The following KLHL6 variants were observed in gnomAD, a reference collection of about 807,000 sequenced individuals.
KLHL6 encodes kelch like family member 6.
A neutral mutation model predicts 58.6 loss-of-function variants in KLHL6; 41 were observed. The ratio of observed to expected loss-of-function variants is 0.70; its 90% CI spans 0.55 to 0.91. KLHL6 has a LOEUF of 0.91. Among genes scored for constraint, KLHL6 ranks in the 40% least tolerant of loss-of-function variants. The probability of loss-of-function intolerance (pLI) is 0.00; values close to 1 mark genes in which losing one functional copy is unlikely to be tolerated. For missense variants in KLHL6, 714 were observed against 805.6 expected (o/e 0.89, Z 1.38); for synonymous variants, 338 against 322.7 (o/e 1.05, Z -0.51).
intron 2 of KLHL6, chr3:183,521,557 A>T (rs1433008408): frequency 6.6e-6 from 1 of 152,256 alleles, no homozygotes; most frequent in Non-Finnish European, 1.5e-5. Flanking sequence ...ACTGGAGAAC[A>T]CACAGGCTAC....
chr3:183,504,456 C>G (rs1717948980), intron 3 of KLHL6, among the ~76,000 whole-genome samples: 1 of 152,144 alleles, frequency 6.6e-6, no homozygotes, highest in Non-Finnish European at 1.5e-5. Flanking sequence ...TCTCTCTCCT[C>G]CTAAATCTAA....
intron 3 of KLHL6, among the ~76,000 whole-genome samples, chr3:183,505,384 G>A (rs933120795): frequency 6.6e-6 from 1 of 152,206 alleles, no homozygotes; most frequent in African/African-American, 2.4e-5. Context: ...ATGGGATGCT[G>A]TTTAAGTAGT....
intron 1 of KLHL6, among the ~76,000 whole-genome samples, chr3:183,542,076 C>T (rs569206702): frequency 1.4e-4 from 21 of 152,212 alleles, no homozygotes; most frequent in East Asian, 1.4e-3. Flanking sequence ...CCTGCAGGCC[C>T]TCAGAGAGGA....
chr3:183,509,590 C>A (rs1718120576), intron 2 of KLHL6, among the ~76,000 whole-genome samples: 1 of 152,192 alleles, frequency 6.6e-6, no homozygotes, highest in Non-Finnish European at 1.5e-5. Context: ...ACTATGTGTT[C>A]TTCACGGGGC....
chr3:183,527,922 C>A lies in KLHL6; in HGVS notation c.382G>T (p.Asp128Tyr), dbSNP rs747600879. The change falls in exon 2 of 7, where the codon GAC (aspartate) becomes TAC (tyrosine). Residue 128 changes from aspartate (D) to tyrosine (Y), a missense_variant. Physicochemically the swap from Asp to Tyr is radical, Grantham distance 160. Coordinates refer to ENST00000341319, the MANE Select transcript of KLHL6 (RefSeq NM_130446.4). ...VDAETMHTLLDYTYTSKALIT... is the reference protein window; with the variant it reads ...VDAETMHTLLYYTYTSKALIT... ...AGCGCCTTGCTGGTGTACGTGTAGT[C>A]CAACAGAGTGTGCATGGTCTCAGCA... The A allele has an allele frequency of 6.2e-7, 1 of 1,614,032 alleles. No homozygotes were observed. The highest frequency in any genetic ancestry group is 1.7e-5 in the Admixed American group (1 of 60,010).
At chr3:183,498,906 G>A (rs1291988146) in intron 4 of KLHL6, among the ~76,000 whole-genome samples, 4 of 152,198 alleles carry the variant, frequency 2.6e-5, no homozygotes, top group Non-Finnish European at 4.4e-5. Context: ...AAGGGCAGAC[G>A]TGTTTACTCA....
At position 183,508,074 on chromosome 3, in the gene KLHL6, G is replaced by A. The variant is rs775321209; in HGVS notation, c.894C>T (p.His298=). The A allele has an allele frequency of 2.8e-5, 45 of 1,613,592 alleles. No homozygotes were observed. The highest frequency in any genetic ancestry group is 3.6e-5 in the Non-Finnish European group (42 of 1,179,692). ...TTCTACTCACCTCATTGCCAGAAAG[G>A]TGGTACATCCTGGCTTCCTGGAGCA... The part of the protein sequence containing the change: ...FPLLQEARMY[H]LSGNEIISER... Residue 298 remains histidine (H), a synonymous_variant, in exon 3 of 7, where the codon CAC becomes CAT. Coordinates refer to ENST00000341319, the MANE Select transcript of KLHL6 (RefSeq NM_130446.4).
chr3:183,548,025 T>C (rs1712785258), intron 1 of KLHL6, among the ~76,000 whole-genome samples: 1 of 152,150 alleles, frequency 6.6e-6, no homozygotes, highest in African/African-American at 2.4e-5. Context: ...TGTTGGAACA[T>C]TCATTCCAGT....
intron 2 of KLHL6, among the ~76,000 whole-genome samples, chr3:183,523,771 T>C (rs114114976): frequency 0.02 from 3,095 of 152,256 alleles, 138 homozygotes; most frequent in East Asian, 0.19. Context: ...TTTGTTTTGT[T>C]TTGTTTTAAA....
chr3:183,550,313 A>C (rs1159332703), intron 1 of KLHL6, among the ~76,000 whole-genome samples: 2 of 152,198 alleles, frequency 1.3e-5, no homozygotes, highest in Non-Finnish European at 2.9e-5. Flanking sequence ...AACAGTAACC[A>C]TGTAATTACC....
At chr3:183,507,246 T>G (rs1270088415) in intron 3 of KLHL6, among the ~76,000 whole-genome samples, 1 of 152,066 alleles carries the variant, frequency 6.6e-6, no homozygotes, top group Non-Finnish European at 1.5e-5. Flanking sequence ...GAGGCCAGAC[T>G]TGGGGGAGGA....
chr3:183,520,751 A>G (rs1031618693), intron 2 of KLHL6: 1 of 151,962 alleles, frequency 6.6e-6, no homozygotes, highest in Non-Finnish European at 1.5e-5. Context: ...AGCATGTCTC[A>G]CCTCCAGCCA....
intron 2 of KLHL6, among the ~76,000 whole-genome samples, chr3:183,519,895 C>CAAAAAAAAAAAAAA (rs56101517): frequency 1.2e-5 from 1 of 83,292 alleles, no homozygotes; most frequent in Non-Finnish European, 2.2e-5. Flanking sequence ...AACCCTGTCT[C>CAAAAAAAAAAAAAA]AAAAAAAAAA....
At position 183,553,403 on chromosome 3, in the gene KLHL6, G is replaced by T. The variant is rs1017771581; in HGVS notation, c.293+1958C>A. On this transcript the variant is annotated intron_variant, in intron 1 of 6. Coordinates refer to ENST00000341319, the MANE Select transcript of KLHL6 (RefSeq NM_130446.4). The stretch of plus-strand genomic sequence containing the variant: ...TGATCAACTCGAGGGCACACAGCCA[G>T]CGGGCCTGGTCCACAGCCAGGCCAA... 2.6e-5 allele frequency among the ~76,000 whole-genome samples: 4 copies of T among 152,294 alleles called. 1 individual carries two copies. In the South Asian group the frequency reaches 8.3e-4, roughly 32 times the overall value.
At chr3:183,545,014 A>G (rs945848114) in intron 1 of KLHL6, among the ~76,000 whole-genome samples, 41 of 152,088 alleles carry the variant, frequency 2.7e-4, no homozygotes, top group Admixed American at 2.0e-4. Context: ...CCAATAGGCA[A>G]ACTCCCAACC....
At position 183,491,724 on chromosome 3, in the gene KLHL6, G is replaced by A. The variant is rs1717560020; in HGVS notation, c.*203C>T. 1 of 435,620 alleles carries A rather than the reference G, an allele frequency of 2.3e-6. No individual in the cohort carries two copies. The highest frequency in any genetic ancestry group is 4.0e-6 in the Non-Finnish European group (1 of 250,560). 27.0% of individuals were successfully genotyped at this position (435,620 alleles called of 1,614,324 possible). A position where few individuals can be genotyped will look rare whatever the true frequency, so the allele number is the denominator to read the frequency against. ...ATTACTCTTCCTCGCCTCCCCTCCT[G>A]AGGTAGGTCATGCAAACATTCCTGG... On this transcript the variant is annotated 3_prime_UTR_variant, in exon 7 of 7. Transcript: ENST00000341319.
intron 1 of KLHL6, among the ~76,000 whole-genome samples, chr3:183,551,122 G>GAAAA (rs35352469): frequency 7.6e-6 from 1 of 131,660 alleles, no homozygotes; most frequent in Non-Finnish European, 1.6e-5. Context: ...CTCTGTCTCA[G>GAAAA]AAAAAAAAAA....
At position 183,503,521 on chromosome 3, in the gene KLHL6, T is replaced by A. The variant is rs556957810; in HGVS notation, c.910-3694A>T. Among the ~76,000 whole-genome samples, 4 of 152,320 alleles carry A rather than the reference T, an allele frequency of 2.6e-5. No homozygotes were observed. The South Asian group carries it at 8.3e-4, about 32-fold the overall frequency. ...TGGGCTGGGCACGGTGGCTCACACCTGTAATCCCAGCACTTTGGGAGGTCG... is the reference window on the plus strand; with the variant it reads ...TGGGCTGGGCACGGTGGCTCACACCAGTAATCCCAGCACTTTGGGAGGTCG... On this transcript the variant is annotated intron_variant, in intron 3 of 6. Transcript: ENST00000341319.
chr3:183,500,921 T>C (rs963284619), intron 3 of KLHL6, among the ~76,000 whole-genome samples: 60 of 152,192 alleles, frequency 3.9e-4, no homozygotes, highest in Non-Finnish European at 1.2e-4. Context: ...CCTCAGATAG[T>C]GAATCCAACC....
Sources: gnomAD v4.1 joint callset for allele counts (sites outside exome capture counted in the v4.1 genomes callset) on GRCh38, gnomAD v4.1.1 for gene constraint, MANE v1.5 for transcripts, NCBI Gene and HGNC (gene_info 2026-07-23, HGNC 2026-07-21) for gene names.